The following SLC35F3 variants were observed in gnomAD, a reference collection of about 807,000 sequenced individuals.
SLC35F3 encodes putative thiamine transporter SLC35F3.
Under a neutral mutation model 49.9 loss-of-function variants are expected in SLC35F3, and 25 were observed. The observed-to-expected ratio is 0.50, with a 90% CI of 0.37 to 0.70. SLC35F3 has a LOEUF of 0.70. Among genes scored for constraint, SLC35F3 ranks in the 30% least tolerant of loss-of-function variants. The probability of loss-of-function intolerance (pLI) is 0.00; values close to 1 mark genes in which losing one functional copy is unlikely to be tolerated. For missense variants in SLC35F3, 525 were observed against 639.8 expected (o/e 0.82, Z 1.94); for synonymous variants, 275 against 265.4 (o/e 1.04, Z -0.35).
intron 2 of SLC35F3, among the ~76,000 whole-genome samples, chr1:233,981,283 C>T (rs189518330): frequency 4.6e-5 from 7 of 152,222 alleles, no homozygotes; most frequent in Admixed American, 4.6e-4. Flanking sequence ...AAAGATCTAC[C>T]TCATGCTGCC....
At chr1:234,292,987 A>T (rs1668533119) in intron 3 of SLC35F3, among the ~76,000 whole-genome samples, 1 of 152,214 alleles carries the variant, frequency 6.6e-6, no homozygotes, top group Admixed American at 6.5e-5. Context: ...AAAACAACTG[A>T]CACCCAGAGA....
At chr1:233,912,060 C>T (rs1451113383) in intron 2 of SLC35F3, among the ~76,000 whole-genome samples, 1 of 152,172 alleles carries the variant, frequency 6.6e-6, no homozygotes, top group African/African-American at 2.4e-5. Context: ...TTACTGTAAG[C>T]TGTTAGGGAT....
intron 7 of SLC35F3, among the ~76,000 whole-genome samples, chr1:234,321,246 G>A (rs1233747492): frequency 2.6e-5 from 4 of 152,186 alleles, no homozygotes; most frequent in Non-Finnish European, 4.4e-5. Flanking sequence ...ACCAGGCCTG[G>A]GGGAGGTGTC....
chr1:234,316,579 A>G, intron 4 of SLC35F3, 23 bp from the exon 5 acceptor site: 1 of 1,593,358 alleles, frequency 6.3e-7, no homozygotes. Flanking sequence ...TTCCCTGACC[A>G]GCATTTTCTT....
intron 2 of SLC35F3, among the ~76,000 whole-genome samples, chr1:233,953,537 C>T (rs1341354206): frequency 2.0e-5 from 3 of 152,326 alleles, no homozygotes; most frequent in East Asian, 1.9e-4. Context: ...TCCCAGAGGA[C>T]GGTGATCTTT....
chr1:234,299,318 T>A (rs955163568), intron 3 of SLC35F3, among the ~76,000 whole-genome samples: 1 of 152,180 alleles, frequency 6.6e-6, no homozygotes, highest in African/African-American at 2.4e-5. Context: ...GAGAAGCCCT[T>A]GTAAACAACC....
At chr1:234,040,977 C>T (rs937997947) in intron 2 of SLC35F3, among the ~76,000 whole-genome samples, 2 of 152,142 alleles carry the variant, frequency 1.3e-5, no homozygotes, top group South Asian at 4.1e-4. Flanking sequence ...GTTGGCTGAA[C>T]GTAAGACGTG....
intron 2 of SLC35F3, among the ~76,000 whole-genome samples, chr1:234,043,649 G>A (rs1664253731): frequency 6.6e-6 from 1 of 152,086 alleles, no homozygotes; most frequent in African/African-American, 2.4e-5. Flanking sequence ...AAATAGTTTT[G>A]ACCTCACAGA....
chr1:234,266,168 C>T (rs1483056885), intron 3 of SLC35F3, among the ~76,000 whole-genome samples: 1 of 152,158 alleles, frequency 6.6e-6, no homozygotes, highest in Admixed American at 6.5e-5. Flanking sequence ...TATCCCACAA[C>T]CTAGAGTAGT....
chr1:234,037,852 G>T (rs77978830), intron 2 of SLC35F3, among the ~76,000 whole-genome samples: 11,279 of 152,246 alleles, frequency 0.074, 664 homozygotes, highest in East Asian at 0.25. Flanking sequence ...AAGCCCCTTT[G>T]CCTGGTAAGA....
At chr1:233,930,456 G>T (rs1662224660) in intron 2 of SLC35F3, among the ~76,000 whole-genome samples, 1 of 152,134 alleles carries the variant, frequency 6.6e-6, no homozygotes, top group Non-Finnish European at 1.5e-5. Flanking sequence ...GAGAACTATT[G>T]AACAATTTAT....
At chr1:234,068,434 T>C (rs116028106) in intron 2 of SLC35F3, among the ~76,000 whole-genome samples, 1 of 152,098 alleles carries the variant, frequency 6.6e-6, no homozygotes, top group Non-Finnish European at 1.5e-5. Flanking sequence ...TCACAGTCTG[T>C]AACAGAAGAC....
chr1:234,116,520 TA>T (rs200652092), intron 2 of SLC35F3, among the ~76,000 whole-genome samples: 18,301 of 149,148 alleles, frequency 0.12, 2,516 homozygotes, highest in East Asian at 0.78. Context: ...TTTATTTATT[TA>T]TTTATTTTGA....
At chr1:234,140,753 T>C (rs1291281021) in intron 2 of SLC35F3, among the ~76,000 whole-genome samples, 2 of 152,096 alleles carry the variant, frequency 1.3e-5, no homozygotes, top group Non-Finnish European at 2.9e-5. Context: ...CGAAGTCAGG[T>C]TCAAGGCAAG....
At chr1:233,923,355 G>A (rs909085481) in intron 2 of SLC35F3, among the ~76,000 whole-genome samples, 1 of 152,096 alleles carries the variant, frequency 6.6e-6, no homozygotes, top group African/African-American at 2.4e-5. Context: ...CCTTGAAGAG[G>A]CCCTTCACAT....
At chr1:234,105,501 G>T (rs1232323286) in intron 2 of SLC35F3, among the ~76,000 whole-genome samples, 1 of 152,124 alleles carries the variant, frequency 6.6e-6, no homozygotes, top group Non-Finnish European at 1.5e-5. Context: ...TTCCTATCCA[G>T]CAGGTATTCA....
intron 3 of SLC35F3, among the ~76,000 whole-genome samples, chr1:234,278,156 G>A (rs1330220259): frequency 1.3e-5 from 2 of 151,896 alleles, no homozygotes; most frequent in Non-Finnish European, 2.9e-5. Context: ...TCACGCCACT[G>A]CACTCCAGTC....
chr1:234,209,364 T>TA (rs906546784), intron 2 of SLC35F3, among the ~76,000 whole-genome samples: 21 of 150,712 alleles, frequency 1.4e-4, no homozygotes, highest in Non-Finnish European at 2.1e-4. Flanking sequence ...TAGGCCATAA[T>TA]AAAAAAAAAG....
intron 2 of SLC35F3, among the ~76,000 whole-genome samples, chr1:234,200,703 G>C (rs1043166655): frequency 6.6e-6 from 1 of 152,132 alleles, no homozygotes; most frequent in African/African-American, 2.4e-5. Flanking sequence ...CTTGTCCAAA[G>C]TTTAAAACTG....
Sources: gnomAD v4.1 joint callset for allele counts (sites outside exome capture counted in the v4.1 genomes callset) on GRCh38, gnomAD v4.1.1 for gene constraint, MANE v1.5 for transcripts, NCBI Gene and HGNC (gene_info 2026-07-23, HGNC 2026-07-21) for gene names.